Variants in GPSM2 observed in about 807,000 individuals in gnomAD.
GPSM2 encodes the protein G protein-signaling modulator 2.
A neutral mutation model predicts 78.4 loss-of-function variants in GPSM2; 58 were observed. That is an observed-to-expected ratio of 0.74 (90% CI 0.60 to 0.92). The LOEUF is 0.92. Among genes scored for constraint, GPSM2 ranks in the 40% least tolerant of loss-of-function variants. The pLI, the probability that GPSM2 is intolerant of heterozygous loss-of-function variation, is 0.00. For synonymous variants in GPSM2, 224 were observed against 280.2 expected (o/e 0.80, Z 2.00); for missense variants, 700 against 815.5 (o/e 0.86, Z 1.73).
At chr1:108,928,804 C>CA (rs2101568813) in intron 14 of GPSM2, among the ~76,000 whole-genome samples, 1 of 152,116 alleles carries the variant, frequency 6.6e-6, no homozygotes, top group Non-Finnish European at 1.5e-5. Context: ...GCCTGGCCAA[C>CA]ATGGTGAAAC....
chr1:108,931,671 A>G lies in GPSM2; in HGVS notation c.*1731A>G. ...TCTAAATTACAACCTGGATTACATT[A>G]TGTTTCATGTATACTATAAGGTATG... is the stretch of plus-strand genomic sequence containing the variant. On this transcript the variant is annotated 3_prime_UTR_variant, in exon 15 of 15. Transcript: ENST00000264126. The G allele has an allele frequency of 1.2e-6, 1 of 800,410 alleles. No homozygotes were observed. Among genetic ancestry groups the G allele is most frequent in the South Asian group, 2.2e-5 (1 of 46,350 alleles). 49.6% of individuals were successfully genotyped at this position (800,410 alleles called of 1,614,324 possible).
At chr1:108,890,085 A>G (rs1647864817) in intron 2 of GPSM2, among the ~76,000 whole-genome samples, 1 of 152,226 alleles carries the variant, frequency 6.6e-6, no homozygotes, top group African/African-American at 2.4e-5. Flanking sequence ...TCTAAGCTCC[A>G]TAGTTAGGCT....
At chr1:108,895,561 T>C (rs143656626) in intron 2 of GPSM2, among the ~76,000 whole-genome samples, 4 of 152,116 alleles carry the variant, frequency 2.6e-5, no homozygotes, top group Admixed American at 6.5e-5. Flanking sequence ...CATTAGATTC[T>C]CATAGGAGTG....
intron 1 of GPSM2, among the ~76,000 whole-genome samples, chr1:108,884,588 G>A (rs938647404): frequency 6.6e-6 from 1 of 152,138 alleles, no homozygotes; most frequent in African/African-American, 2.4e-5. Context: ...AAAGGAATAA[G>A]GAACAAAATA....
rs530392066 is a variant in GPSM2 at position 108,887,256 on chromosome 1, T to A, written c.56+1678T>A. ...TTGGCAGCTAATGCAAATTTTTTTT[T>A]AAAAATGTGGGTTGAACATTTTAAG... On this transcript the variant is annotated intron_variant, in intron 2 of 14. Coordinates refer to ENST00000264126, the MANE Select transcript of GPSM2 (RefSeq NM_013296.5). Among the ~76,000 whole-genome samples the A allele has an allele frequency of 2.6e-3, 403 of 152,234 alleles. 1 individual carries two copies. The highest frequency in any genetic ancestry group is 8.8e-3 in the African/African-American group (367 of 41,524).
At chr1:108,890,096 C>G (rs1012526718) in intron 2 of GPSM2, among the ~76,000 whole-genome samples, 12 of 152,216 alleles carry the variant, frequency 7.9e-5, no homozygotes, top group African/African-American at 2.9e-4. Context: ...TAGTTAGGCT[C>G]TGTGGCCTCC....
At chr1:108,911,688 A>G (rs1649754469) in intron 10 of GPSM2, among the ~76,000 whole-genome samples, 1 of 152,192 alleles carries the variant, frequency 6.6e-6, no homozygotes, top group African/African-American at 2.4e-5. Context: ...CTCAACGTAC[A>G]TAAAGCAAAA....
Position 108,914,366 on chromosome 1 carries a change from T to C in GPSM2, c.1221T>C (p.His407=). Residue 407 remains histidine, a synonymous_variant, in exon 11 of 15, where the codon CAT becomes CAC. Coordinates refer to ENST00000264126, the MANE Select transcript of GPSM2 (RefSeq NM_013296.5). The part of the protein sequence containing the change: ...NGVRPKLGRR[H]SMENMELMKL... The stretch of plus-strand genomic sequence containing the variant: ...TACGCCCCAAGTTGGGACGCCGGCA[T>C]AGTATGGAAAATATGGAACTTATGA... The C allele has an allele frequency of 1.2e-6, 2 of 1,612,894 alleles. No individual in the cohort carries two copies. The highest frequency in any genetic ancestry group is 1.7e-6 in the Non-Finnish European group (2 of 1,179,014).
chr1:108,918,673 G>T lies in GPSM2; in HGVS notation c.1324G>T (p.Ala442Ser). 1 of 1,613,294 alleles carries T rather than the reference G, an allele frequency of 6.2e-7. No homozygotes were observed. Among genetic ancestry groups the T allele is most frequent in the Non-Finnish European group, 8.5e-7 (1 of 1,179,312 alleles). ...KQKPLIAKPSAKLLFVNRLKG... is the reference protein window; with the variant it reads ...KQKPLIAKPSSKLLFVNRLKG... ...AAAACCTCTTATTGCCAAACCTTCT[G>T]CAAAGCTACTCTTTGTCAACAGACT... Residue 442 changes from alanine to serine, a missense_variant, in exon 12 of 15, where the codon GCA (alanine) becomes TCA (serine). Coordinates refer to ENST00000264126, the MANE Select transcript of GPSM2 (RefSeq NM_013296.5).
intron 2 of GPSM2, among the ~76,000 whole-genome samples, chr1:108,888,224 A>C (rs12736847): frequency 0.092 from 13,981 of 151,326 alleles, 693 homozygotes; most frequent in Non-Finnish European, 0.1. Flanking sequence ...GCTAACTTTT[A>C]TATTTTTAGT....
Position 108,899,398 on chromosome 1 carries a change from C to T in GPSM2, c.797+404C>T, listed in dbSNP as rs79931830. ...CTCAGTTATGGGTTAGAAGAGAGGCCAAAAGAAAGCCTTGTAACAAAAATA... is the reference window on the plus strand; with the variant it reads ...CTCAGTTATGGGTTAGAAGAGAGGCTAAAAGAAAGCCTTGTAACAAAAATA... On this transcript the variant is annotated intron_variant, in intron 7 of 14. Coordinates refer to ENST00000264126, the MANE Select transcript of GPSM2 (RefSeq NM_013296.5). Among the ~76,000 whole-genome samples the T allele has an allele frequency of 8.0e-4, 122 of 152,088 alleles. 2 individuals are homozygous for T. The East Asian group carries it at 0.019, about 24-fold the overall frequency.
chr1:108,920,608 G>A (rs1321733094), intron 12 of GPSM2, among the ~76,000 whole-genome samples: 1 of 151,376 alleles, frequency 6.6e-6, no homozygotes, highest in African/African-American at 2.4e-5. Flanking sequence ...CTTTTGTCTC[G>A]ATTTCTTTCC....
intron 11 of GPSM2, among the ~76,000 whole-genome samples, chr1:108,916,538 A>G (rs928809250): frequency 7.2e-5 from 11 of 152,378 alleles, no homozygotes; most frequent in African/African-American, 2.4e-4. Flanking sequence ...AATTTGTTAA[A>G]TCCACAAATT....
intron 2 of GPSM2, among the ~76,000 whole-genome samples, chr1:108,895,925 C>T (rs745311295): frequency 2.0e-5 from 3 of 152,138 alleles, no homozygotes; most frequent in Non-Finnish European, 4.4e-5. Context: ...TTCATGAGTA[C>T]TGCTTTGGAT....
chr1:108,927,417 G>C (rs1447169950), intron 14 of GPSM2, among the ~76,000 whole-genome samples: 1 of 152,140 alleles, frequency 6.6e-6, no homozygotes, highest in Non-Finnish European at 1.5e-5. Context: ...AATCAAAGCA[G>C]TGCAGTACTG....
chr1:108,877,981 G>A (rs777989624), intron 1 of GPSM2, among the ~76,000 whole-genome samples: 3 of 152,144 alleles, frequency 2.0e-5, no homozygotes, highest in Non-Finnish European at 4.4e-5. Context: ...AGAATTAAAC[G>A]AAGTAGGTTC....
chr1:108,885,692 A>G, intron 2 of GPSM2, 114 bp downstream of exon 2: 2 of 749,448 alleles, frequency 2.7e-6, no homozygotes, highest in Non-Finnish European at 4.8e-6. Flanking sequence ...CAGCCATAGT[A>G]TTGTCTGTAG....
chr1:108,931,313 A>C lies in GPSM2; in HGVS notation c.*1373A>C. The C allele has an allele frequency of 1.3e-6, 2 of 1,544,926 alleles. No individual in the cohort carries two copies. Among genetic ancestry groups the C allele is most frequent in the South Asian group, 1.2e-5 (1 of 83,310 alleles). ...TTAAGCTTTGTCTTCCTTATCCCAG[A>C]TATTGAAGGCAGTTTACAAGGGGAT... On this transcript the variant is annotated 3_prime_UTR_variant, in exon 15 of 15. Transcript: ENST00000264126.
At position 108,929,990 on chromosome 1, in the gene GPSM2, T is replaced by C; in HGVS notation, c.*50T>C. ...TTTCAAACACGGTAAGGAAACAATC[T>C]ATTACTTTTTTCCTTAAAAGGAGAA... is the stretch of plus-strand genomic sequence containing the variant. On this transcript the variant is annotated 3_prime_UTR_variant, in exon 15 of 15. Coordinates refer to ENST00000264126, the MANE Select transcript of GPSM2 (RefSeq NM_013296.5). 6.5e-7 allele frequency: 1 copy of C among 1,532,274 alleles called. No individual in the cohort carries two copies. Among genetic ancestry groups the C allele is most frequent in the Non-Finnish European group, 9.0e-7 (1 of 1,111,720 alleles). The allele number at this position is 1,532,274 out of a possible 1,614,324, so 94.9% of individuals were successfully genotyped here.
Sources: allele counts gnomAD v4.1 joint callset (sites outside exome capture counted in the v4.1 genomes callset), GRCh38; gene constraint gnomAD v4.1.1; transcripts MANE v1.5; gene names NCBI Gene and HGNC (gene_info 2026-07-23, HGNC 2026-07-21).